Variants in RMST observed in about 807,000 individuals in gnomAD.
RMST encodes long intergenic non-protein coding RNA 54.
intron 11 of RMST, among the ~76,000 whole-genome samples, chr12:97,559,374 A>G (rs2136670471): frequency 6.6e-6 from 1 of 152,342 alleles, no homozygotes; most frequent in African/African-American, 2.4e-5. Flanking sequence ...CTGTAAATTT[A>G]GTAGTGGGGC....
chr12:97,464,369 C>A (rs1409787990), intron 4 of RMST, among the ~76,000 whole-genome samples: 2 of 152,122 alleles, frequency 1.3e-5, no homozygotes, highest in African/African-American at 2.4e-5. Context: ...ATGCAGTAAT[C>A]GGGGCTAAAG....
chr12:97,552,524 A>C (rs1367350123), intron 11 of RMST, among the ~76,000 whole-genome samples: 1 of 152,076 alleles, frequency 6.6e-6, no homozygotes, highest in Non-Finnish European at 1.5e-5. Flanking sequence ...CAGGGGTACA[A>C]ATAAAGGGCA....
intron 11 of RMST, chr12:97,533,888 A>G (rs1029802346): frequency 6.6e-6 from 1 of 151,858 alleles, no homozygotes; most frequent in Non-Finnish European, 1.5e-5. Context: ...TTTTTGCACA[A>G]GCTTTTCATG....
chr12:97,489,460 A>G (rs955594604), intron 5 of RMST, among the ~76,000 whole-genome samples: 3 of 152,030 alleles, frequency 2.0e-5, no homozygotes, highest in Admixed American at 6.6e-5. Context: ...AAAAAAAGAA[A>G]AAAAAAAAAG....
chr12:97,518,944 A>C (rs1880226455), intron 10 of RMST, among the ~76,000 whole-genome samples: 1 of 152,074 alleles, frequency 6.6e-6, no homozygotes, highest in Admixed American at 6.6e-5. Flanking sequence ...TAATTAAAAA[A>C]AAAAAAATGT....
At chr12:97,533,754 C>G (rs1380065434) in intron 11 of RMST, 1 of 151,770 alleles carries the variant, frequency 6.6e-6, no homozygotes, top group Non-Finnish European at 1.5e-5. Context: ...AATAAAGGTT[C>G]TCTTCCTTCC....
intron 5 of RMST, among the ~76,000 whole-genome samples, chr12:97,472,715 A>C (rs1874071271): frequency 6.6e-6 from 1 of 152,174 alleles, no homozygotes; most frequent in Admixed American, 6.6e-5. Flanking sequence ...AAAATATTTC[A>C]AAGAGTTCAG....
intron 11 of RMST, among the ~76,000 whole-genome samples, chr12:97,537,477 A>T (rs1882159997): frequency 6.6e-6 from 1 of 151,412 alleles, no homozygotes. Context: ...TCACGAGCAA[A>T]AGGAGATTTT....
At chr12:97,492,237 G>A (rs564732125) in intron 5 of RMST, among the ~76,000 whole-genome samples, 1 of 152,194 alleles carries the variant, frequency 6.6e-6, no homozygotes, top group Admixed American at 6.5e-5. Flanking sequence ...TGACAGGGAG[G>A]TTGTTCGTGC....
In RMST at chr12:97,481,587, C is replaced by T. The variant is rs994711126; in HGVS notation, n.645-10874C>T. Among the ~76,000 whole-genome samples the T allele has an allele frequency of 4.6e-5, 7 of 152,112 alleles. No homozygotes were observed. In the South Asian group the frequency reaches 1.5e-3, roughly 32 times the overall value. ...CTTTGCTGTCCCCAAAAATACTACA[C>T]ATGCTATTTTCTCAGGAAGAAGAGT... On this transcript the variant is annotated intron_variant and non_coding_transcript_variant, in intron 5 of 13. Transcript: ENST00000640149.
chr12:97,537,133 G>C (rs1357357439), intron 11 of RMST, among the ~76,000 whole-genome samples: 1 of 151,410 alleles, frequency 6.6e-6, no homozygotes, highest in Non-Finnish European at 1.5e-5. Flanking sequence ...TTGTAGCAGA[G>C]AAAATTAAAG....
chr12:97,508,832 G>C (rs888362339), intron 10 of RMST, among the ~76,000 whole-genome samples: 1 of 152,156 alleles, frequency 6.6e-6, no homozygotes, highest in Non-Finnish European at 1.5e-5. Flanking sequence ...GTAACGTAGT[G>C]GGGTAGAAAC....
chr12:97,551,390 T>G (rs919778043), intron 11 of RMST, among the ~76,000 whole-genome samples: 1 of 152,178 alleles, frequency 6.6e-6, no homozygotes, highest in Non-Finnish European at 1.5e-5. Context: ...CTTATTTGCC[T>G]GCTAATTATT....
rs144593418 is a variant in RMST, at chr12:97,561,677, T to C, written n.1958+630T>C. 4.2e-3 allele frequency among the ~76,000 whole-genome samples: 543 copies of C among 130,192 alleles called. 2 individuals are homozygous for C. Among genetic ancestry groups the C allele is most frequent in the African/African-American group, 0.015 (523 of 34,184 alleles). 85.4% of individuals were successfully genotyped at this position (130,192 alleles called of 152,430 possible). ...TTTTTTTGTGCCTGGTTTAACTCCT[T>C]GGTGGCTGCTCATTCAGAGAGGATT... On this transcript the variant is annotated intron_variant and non_coding_transcript_variant, in intron 13 of 13. Coordinates refer to ENST00000640149, the Ensembl canonical transcript of RMST.
chr12:97,471,495 G>C (rs538719600), intron 5 of RMST, among the ~76,000 whole-genome samples: 3 of 152,228 alleles, frequency 2.0e-5, no homozygotes, highest in South Asian at 4.1e-4. Context: ...AGTCTGTCTT[G>C]TAGTAGTAGT....
intron 10 of RMST, among the ~76,000 whole-genome samples, chr12:97,520,452 A>G (rs1880397365): frequency 1.3e-5 from 2 of 152,104 alleles, no homozygotes; most frequent in African/African-American, 4.8e-5. Context: ...CATCTGTTTC[A>G]TCCTTCCTCT....
chr12:97,480,236 CCCA>C (rs1350763831), intron 5 of RMST, among the ~76,000 whole-genome samples: 1 of 151,770 alleles, frequency 6.6e-6, no homozygotes, highest in African/African-American at 2.4e-5. Context: ...ACTACAGGCG[CCCA>C]CCACCACGCC....
chr12:97,545,117 T>A (rs930819404), intron 11 of RMST, among the ~76,000 whole-genome samples: 1 of 152,106 alleles, frequency 6.6e-6, no homozygotes, highest in East Asian at 1.9e-4. Context: ...TATTACACTC[T>A]TGCACTTCAG....
chr12:97,526,018 A>G (rs925177100), intron 10 of RMST, among the ~76,000 whole-genome samples: 1 of 151,596 alleles, frequency 6.6e-6, no homozygotes, highest in African/African-American at 2.4e-5. Context: ...CACTGTCCCC[A>G]TCACCCTCAG....
Sources: gnomAD v4.1 joint callset for allele counts (sites outside exome capture counted in the v4.1 genomes callset) on GRCh38, gnomAD v4.1.1 for gene constraint, MANE v1.5 for transcripts, NCBI Gene and HGNC (gene_info 2026-07-23, HGNC 2026-07-21) for gene names.